Variants in KALRN observed in about 807,000 individuals in gnomAD.
KALRN encodes kalirin.
A neutral mutation model predicts 353.7 loss-of-function variants in KALRN; 70 were observed. The observed-to-expected ratio is 0.20, with a 90% CI of 0.16 to 0.24. The LOEUF (loss-of-function observed/expected upper bound fraction) is 0.24, where lower values mean the gene tolerates loss of function less well. Among genes scored for constraint, KALRN ranks in the 10% least tolerant of loss-of-function variants. The pLI is 1.00. For missense variants in KALRN, 2,791 were observed against 3,756.7 expected, an observed-to-expected ratio of 0.74 and a Z score of 6.72; for synonymous variants, 1,391 against 1,434.8, an observed-to-expected ratio of 0.97 and a Z score of 0.69.
intron 1 of KALRN, among the ~76,000 whole-genome samples, chr3:124,225,781 C>G (rs2078419409): frequency 6.6e-6 from 1 of 152,100 alleles, no homozygotes; most frequent in South Asian, 2.1e-4. Context: ...CTATTTAGAA[C>G]TAGGACCCTC....
chr3:124,286,136 T>TTTCTTTCC (rs2075867416), intron 5 of KALRN, among the ~76,000 whole-genome samples: 1 of 131,272 alleles, frequency 7.6e-6, no homozygotes, highest in African/African-American at 2.8e-5. Flanking sequence ...TCTTTCTTTC[T>TTTCTTTCC]TTCCTTTCTT....
chr3:124,446,626 G>T (rs570179349), intron 20 of KALRN, 137 bp from the exon 21 acceptor site: 1 of 1,089,534 alleles, frequency 9.2e-7, no homozygotes, highest in Non-Finnish European at 1.3e-6. Flanking sequence ...AAAAACTCCA[G>T]AGCTACATAC....
chr3:124,089,532 G>C (rs974980185), intron 1 of KALRN, among the ~76,000 whole-genome samples: 1 of 152,202 alleles, frequency 6.6e-6, no homozygotes, highest in Non-Finnish European at 1.5e-5. Context: ...AAATGAGATG[G>C]AGGAACTGCA....
chr3:124,716,857 G>A (rs2063157160), intron 58 of KALRN, among the ~76,000 whole-genome samples: 1 of 152,076 alleles, frequency 6.6e-6, no homozygotes, highest in Admixed American at 6.5e-5. Flanking sequence ...ACACATGTGG[G>A]GCTGTTTGCA....
Position 124,083,950 on chromosome 3 carries a change from T to G in KALRN, c.73+50137T>G, listed in dbSNP as rs191544920. Among the ~76,000 whole-genome samples the G allele has an allele frequency of 2.8e-4, 42 of 152,348 alleles. No homozygotes were observed. The East Asian group carries it at 7.7e-3, about 28-fold the overall frequency. ...TATGTCTCATCCTATGTGAACAGGC[T>G]GCAGGGAGGTTGTCCCTGACCTCCT... On this transcript the variant is annotated intron_variant, in intron 1 of 59. Coordinates refer to ENST00000682506, the MANE Select transcript of KALRN (RefSeq NM_001388419.1).
At chr3:124,291,496 G>A (rs991778727) in intron 5 of KALRN, among the ~76,000 whole-genome samples, 2 of 152,194 alleles carry the variant, frequency 1.3e-5, no homozygotes, top group African/African-American at 4.8e-5. Context: ...CCATGTAAGA[G>A]GGGAAAGGGT....
At chr3:124,488,693 A>T (rs2062823407) in intron 29 of KALRN, 1 of 172,338 alleles carries the variant, frequency 5.8e-6, no homozygotes, top group Non-Finnish European at 1.2e-5. Context: ...AAGCCTGATC[A>T]CATAAACACA....
intron 1 of KALRN, among the ~76,000 whole-genome samples, chr3:124,202,596 A>G (rs932930895): frequency 6.8e-6 from 1 of 146,194 alleles, no homozygotes; most frequent in African/African-American, 2.6e-5. Context: ...TTTTCTTTGA[A>G]CCCTCCCTCC....
intron 34 of KALRN, among the ~76,000 whole-genome samples, chr3:124,616,176 T>C (rs768701387): frequency 2.6e-5 from 4 of 152,296 alleles, no homozygotes; most frequent in Middle Eastern, 3.4e-3. Flanking sequence ...AGAATTTCCA[T>C]TGTGACATTT....
chr3:124,273,456 T>C (rs2074376652), intron 5 of KALRN, among the ~76,000 whole-genome samples: 3 of 152,236 alleles, frequency 2.0e-5, no homozygotes, highest in Non-Finnish European at 4.4e-5. Context: ...TTTTTTATTT[T>C]TAAAAGCAGG....
chr3:124,395,549 A>G (rs2090053965), intron 12 of KALRN: 9 of 541,966 alleles, frequency 1.7e-5, no homozygotes. Flanking sequence ...TGTTTCAAAG[A>G]ATTATTTATC....
At chr3:124,288,382 G>C (rs1038952747) in intron 5 of KALRN, among the ~76,000 whole-genome samples, 1 of 152,140 alleles carries the variant, frequency 6.6e-6, no homozygotes, top group Non-Finnish European at 1.5e-5. Context: ...GGTATTTCAT[G>C]GTGGGGGGAA....
chr3:124,713,095 A>T lies in KALRN; in HGVS notation c.8236A>T (p.Thr2746Ser). 6.2e-7 allele frequency: 1 copy of T among 1,613,964 alleles called. No homozygotes were observed. The highest frequency in any genetic ancestry group is 8.5e-7 in the Non-Finnish European group (1 of 1,179,946). ...QHPQYITLHD[T>S]YESPTSYILI... The stretch of plus-strand genomic sequence containing the variant: ...CCCCCAGTACATCACTCTCCATGAC[A>T]CCTATGAGTCCCCCACATCCTACAT... The change falls in exon 58 of 60, where the codon ACC becomes TCC. Residue 2746 changes from threonine to serine, a missense_variant. Physicochemically the swap from Thr to Ser is moderately conservative, Grantham distance 58. This residue lies in a region of KALRN where 188 missense variants were observed against 402.9 expected (regional missense o/e 0.47). Transcript: ENST00000682506.
chr3:124,634,195 G>A (rs2081102292), intron 36 of KALRN, among the ~76,000 whole-genome samples: 1 of 152,180 alleles, frequency 6.6e-6, no homozygotes, highest in Non-Finnish European at 1.5e-5. Context: ...TCTGCCTGGT[G>A]TCTTGTCCTG....
At chr3:124,226,684 A>G (rs2078546380) in intron 1 of KALRN, among the ~76,000 whole-genome samples, 1 of 152,176 alleles carries the variant, frequency 6.6e-6, no homozygotes, top group African/African-American at 2.4e-5. Context: ...TAGGCCAGTG[A>G]TCTTACGCCT....
intron 33 of KALRN, among the ~76,000 whole-genome samples, chr3:124,550,480 A>C (rs949710137): frequency 6.6e-5 from 10 of 152,064 alleles, no homozygotes; most frequent in Admixed American, 2.0e-4. Context: ...CACCTACTGT[A>C]TGCAATTTTT....
At chr3:124,664,364 T>TGCGC (rs769865594) in intron 45 of KALRN, among the ~76,000 whole-genome samples, 8,590 of 126,822 alleles carry the variant, frequency 0.068, 401 homozygotes, top group East Asian at 0.1. Context: ...TGTGTGTGTG[T>TGCGC]GTGTGTGCGC....
chr3:124,205,683 A>G (rs766899566), intron 1 of KALRN, among the ~76,000 whole-genome samples: 3 of 152,186 alleles, frequency 2.0e-5, no homozygotes, highest in Non-Finnish European at 2.9e-5. Context: ...AACTGGTTGA[A>G]AAACAAGGTC....
chr3:124,048,855 T>C (rs1260362655), intron 1 of KALRN, among the ~76,000 whole-genome samples: 1 of 152,212 alleles, frequency 6.6e-6, no homozygotes, highest in Non-Finnish European at 1.5e-5. Context: ...ATTCTCCTAA[T>C]GATAGACATT....
Sources: gnomAD v4.1 joint callset for allele counts (sites outside exome capture counted in the v4.1 genomes callset) on GRCh38, gnomAD v4.1.1 for gene constraint, gnomAD v4.1.1 regional missense constraint, MANE v1.5 for transcripts, NCBI Gene and HGNC (gene_info 2026-07-23, HGNC 2026-07-21) for gene names.